The following SPATA6 variants were observed in gnomAD, a reference collection of about 807,000 sequenced individuals.
SPATA6 encodes the protein spermatogenesis associated 6.
A neutral mutation model predicts 65.3 loss-of-function variants in SPATA6; 56 were observed. The observed-to-expected ratio is 0.86, with a 90% CI of 0.69 to 1.07. SPATA6 has a LOEUF of 1.07. Among genes scored for constraint, SPATA6 ranks in the 50% least tolerant of loss-of-function variants. The pLI is 0.00. For synonymous variants in SPATA6, 199 were observed against 213.2 expected (o/e 0.93, Z 0.58); for missense variants, 590 against 594.8 (o/e 0.99, Z 0.08).
intron 3 of SPATA6, among the ~76,000 whole-genome samples, chr1:48,425,776 T>A (rs866986224): frequency 1.6e-4 from 24 of 152,108 alleles, no homozygotes; most frequent in Non-Finnish European, 2.4e-4. Flanking sequence ...ATAAAACAAA[T>A]TTTATCCCTA....
At chr1:48,388,933 T>G (rs1363193687) in intron 8 of SPATA6, among the ~76,000 whole-genome samples, 1 of 152,170 alleles carries the variant, frequency 6.6e-6, no homozygotes, top group Admixed American at 6.5e-5. Flanking sequence ...TTGCCCAGGC[T>G]GGAGTACAAT....
intron 9 of SPATA6, among the ~76,000 whole-genome samples, chr1:48,364,511 G>A (rs1325573941): frequency 2.0e-5 from 3 of 152,176 alleles, no homozygotes. Context: ...GTGTGAGATG[G>A]TATCTCATTG....
Position 48,343,479 on chromosome 1 carries a change from A to C in SPATA6, c.1194+12191T>G, listed in dbSNP as rs181291076. On this transcript the variant is annotated intron_variant, in intron 11 of 12. Coordinates refer to ENST00000371847, the MANE Select transcript of SPATA6 (RefSeq NM_019073.4). ...GGAATGAGGAGTAGAAGGACAGATAAGAAAATTCAATACTTTTGTAACGCC... is the reference window on the plus strand; with the variant it reads ...GGAATGAGGAGTAGAAGGACAGATACGAAAATTCAATACTTTTGTAACGCC... Among the ~76,000 whole-genome samples the C allele has an allele frequency of 1.3e-4, 20 of 152,336 alleles. No homozygotes were observed. The East Asian group carries it at 3.9e-3, about 29-fold the overall frequency.
intron 11 of SPATA6, among the ~76,000 whole-genome samples, chr1:48,306,536 TG>T (rs1300306226): frequency 1.3e-5 from 2 of 151,964 alleles, no homozygotes; most frequent in Non-Finnish European, 2.9e-5. Context: ...TTCATATGTG[TG>T]GTAATGGTAT....
intron 1 of SPATA6, 110 bp downstream of exon 1, chr1:48,471,848 G>C: frequency 7.7e-7 from 1 of 1,305,324 alleles, no homozygotes. Flanking sequence ...ACGCTCCCTA[G>C]GGATGATTCG....
At position 48,296,425 on chromosome 1, in the gene SPATA6, A is replaced by C. The variant is rs1330085997; in HGVS notation, c.*2288T>G. On this transcript the variant is annotated 3_prime_UTR_variant, in exon 13 of 13. Transcript: ENST00000371847. ...TAATCCATAGGAAAACATCTTTCAG[A>C]GTATTAGTTTCTAAAGTTTCCCTTT... is the stretch of plus-strand genomic sequence containing the variant. 3 of 152,198 alleles carry C rather than the reference A, an allele frequency of 2.0e-5. No homozygotes were observed. Among genetic ancestry groups the C allele is most frequent in the Non-Finnish European group, 4.4e-5 (3 of 68,032 alleles). 9.4% of individuals were successfully genotyped at this position (152,198 alleles called of 1,614,324 possible).
chr1:48,417,273 A>G (rs1652863637), intron 3 of SPATA6, among the ~76,000 whole-genome samples: 1 of 152,238 alleles, frequency 6.6e-6, no homozygotes, highest in Admixed American at 6.5e-5. Context: ...TGCCAAAGTC[A>G]AATGTATTTT....
chr1:48,404,213 A>T (rs1270485494), intron 5 of SPATA6, among the ~76,000 whole-genome samples: 1 of 152,170 alleles, frequency 6.6e-6, no homozygotes, highest in East Asian at 1.9e-4. Flanking sequence ...ATACTTAATA[A>T]ATTTCAGCTT....
the SPATA6 span, among the ~76,000 whole-genome samples, chr1:48,278,374 A>C: frequency 6.6e-6 from 1 of 152,194 alleles, no homozygotes. Context: ...TCAGACGATC[A>C]AACTACTCCG....
At chr1:48,442,717 T>TAAAAAAAAAAAAAAAAAAAAAA (rs71056669) in intron 3 of SPATA6, among the ~76,000 whole-genome samples, 3 of 46,212 alleles carry the variant, frequency 6.5e-5, no homozygotes, top group African/African-American at 2.7e-4. Flanking sequence ...ATGGAAGTAG[T>TAAAAAAAAAAAAAAAAAAAAAA]AAAAAAAAAA....
intron 1 of SPATA6, among the ~76,000 whole-genome samples, chr1:48,459,204 C>CAAAAAAA (rs35079974): frequency 2.6e-3 from 171 of 65,956 alleles, no homozygotes; most frequent in African/African-American, 3.1e-3. Flanking sequence ...GACTCCATAT[C>CAAAAAAA]AAAAAAAAAA....
chr1:48,302,723 T>A (rs1644969544), intron 12 of SPATA6, among the ~76,000 whole-genome samples: 1 of 152,182 alleles, frequency 6.6e-6, no homozygotes, highest in African/African-American at 2.4e-5. Context: ...ATATCTCTCA[T>A]GCATATGTAC....
intron 11 of SPATA6, among the ~76,000 whole-genome samples, chr1:48,316,880 A>T (rs1023379865): frequency 5.3e-4 from 80 of 152,380 alleles, no homozygotes; most frequent in Non-Finnish European, 9.6e-4. Flanking sequence ...ATATGAACAG[A>T]CACTTCTCAA....
chr1:48,395,153 C>T (rs1650462113), intron 8 of SPATA6, 114 bp downstream of exon 8: 2 of 683,148 alleles, frequency 2.9e-6, no homozygotes, highest in East Asian at 3.4e-5. Flanking sequence ...CTACATTATA[C>T]AATATTATCC....
At chr1:48,446,475 C>T (rs1445216115) in intron 3 of SPATA6, among the ~76,000 whole-genome samples, 5 of 152,158 alleles carry the variant, frequency 3.3e-5, no homozygotes, top group Non-Finnish European at 5.9e-5. Flanking sequence ...AAGCCTGGTG[C>T]TGGAAAAAGT....
chr1:48,453,959 G>A (rs1426170614), intron 1 of SPATA6, among the ~76,000 whole-genome samples: 1 of 146,688 alleles, frequency 6.8e-6, no homozygotes, highest in Non-Finnish European at 1.5e-5. Flanking sequence ...GGAAAAAAAA[G>A]ACAGAAAGAA....
At chr1:48,301,268 G>C (rs1056250575) in intron 12 of SPATA6, among the ~76,000 whole-genome samples, 1 of 150,376 alleles carries the variant, frequency 6.6e-6, no homozygotes, top group Non-Finnish European at 1.5e-5. Flanking sequence ...GATCAAGAAA[G>C]CAATCCCATT....
intron 11 of SPATA6, among the ~76,000 whole-genome samples, chr1:48,307,571 G>T (rs139247781): frequency 1.0e-3 from 158 of 151,126 alleles, no homozygotes; most frequent in African/African-American, 3.7e-3. Context: ...TTCTTGCTTT[G>T]TTGCACATCT....
rs1338310 is a variant in SPATA6, at chr1:48,395,355, C to G, written c.781-1G>C. ...CAGCCCTGGGACTTGGGGGATCAAC[C>G]TAGAGGAAGCAGGATTTTTATGTAA... On this transcript the variant is annotated splice_acceptor_variant, in intron 7 of 12. Transcript: ENST00000371847. LOFTEE classifies it high-confidence loss of function. 1.5e-5 allele frequency: 23 copies of G among 1,533,906 alleles called. No individual in the cohort carries two copies. Among genetic ancestry groups the G allele is most frequent in the Non-Finnish European group, 2.0e-5 (23 of 1,141,542 alleles).
Sources: allele counts gnomAD v4.1 joint callset (sites outside exome capture counted in the v4.1 genomes callset), GRCh38; gene constraint gnomAD v4.1.1; transcripts MANE v1.5; gene names NCBI Gene and HGNC (gene_info 2026-07-23, HGNC 2026-07-21).